The following SLC28A1 variants were observed in gnomAD, a reference collection of about 807,000 sequenced individuals.
SLC28A1 encodes the protein solute carrier family 28 member 1, also known as sodium/nucleoside cotransporter 1.
Under a neutral mutation model 74.8 loss-of-function variants are expected in SLC28A1, and 64 were observed. That is an observed-to-expected ratio of 0.86 (90% CI 0.70 to 1.05). The LOEUF is 1.05. Among genes scored for constraint, SLC28A1 ranks in the 50% least tolerant of loss-of-function variants. The probability of loss-of-function intolerance (pLI) is 0.00; values close to 1 mark genes in which losing one functional copy is unlikely to be tolerated. For synonymous variants in SLC28A1, 359 were observed against 335.0 expected, an observed-to-expected ratio of 1.07 and a Z score of -0.78; for missense variants, 828 against 822.8, an observed-to-expected ratio of 1.01 and a Z score of -0.08.
At chr15:84,918,700 T>C (rs1323586404) in intron 10 of SLC28A1, 96 bp downstream of exon 10, 10 of 923,600 alleles carry the variant, frequency 1.1e-5, no homozygotes, top group Non-Finnish European at 1.6e-5. Flanking sequence ...AGCCCAAACC[T>C]CCCCAGACAC....
rs1596304601 is a variant in SLC28A1, at chr15:84,918,702, C to T, written c.876+98C>T. ...GCCTTGCTCCCAGAGCCCAAACCTC[C>T]CCAGACACACTGCTCCCCAAGCCCA... On this transcript the variant is annotated intron_variant, in intron 10 of 18. Transcript: ENST00000394573. The T allele has an allele frequency of 5.6e-6, 5 of 889,522 alleles. No homozygotes were observed. The East Asian group carries it at 1.2e-4, about 21-fold the overall frequency. 55.1% of individuals were successfully genotyped at this position (889,522 alleles called of 1,614,324 possible). A position where few individuals can be genotyped will look rare whatever the true frequency, so the allele number is the denominator to read the frequency against.
At chr15:84,924,171 GC>G in intron 12 of SLC28A1, 61 bp downstream of exon 12, 1 of 1,555,226 alleles carries the variant, frequency 6.4e-7, no homozygotes, top group Non-Finnish European at 8.8e-7. Flanking sequence ...CTTTGTGGGA[GC>G]CCCACACAGC....
chr15:84,904,111 C>T lies in SLC28A1; in HGVS notation c.476C>T (p.Ala159Val). 6.2e-7 allele frequency: 1 copy of T among 1,614,188 alleles called. No individual in the cohort carries two copies. The highest frequency in any genetic ancestry group is 8.5e-7 in the Non-Finnish European group (1 of 1,180,038). Reference protein sequence around the residue: ...LLWFKRGLALAAFLGLVLWLS... With the variant: ...LLWFKRGLALVAFLGLVLWLS... ...CTTGCCTGCAGGGGTCTAGCTCTTG[C>T]TGCTTTCCTGGGCCTGGTCCTGTGG... Residue 159 changes from alanine to valine, a missense_variant, in exon 7 of 19, where the codon GCT becomes GTT. Physicochemically the swap from Ala to Val is moderately conservative, Grantham distance 64. This residue lies in a region of SLC28A1 where 767 missense variants were observed against 753.5 expected (regional missense o/e 1.02). Transcript: ENST00000394573.
intron 6 of SLC28A1, 46 bp from the exon 7 acceptor site, chr15:84,904,050 TG>T (rs1474130019): frequency 6.2e-7 from 1 of 1,612,752 alleles, no homozygotes; most frequent in Non-Finnish European, 8.5e-7. Context: ...GTGGGTGGGG[TG>T]GGGGTGCAAT....
intron 1 of SLC28A1, chr15:84,886,160 G>A: frequency 1.0e-6 from 1 of 985,362 alleles, no homozygotes; most frequent in Non-Finnish European, 1.2e-6. Context: ...ATGAAATGAA[G>A]GGGAAATGGT....
chr15:84,908,817 A>G (rs1205812115), intron 9 of SLC28A1, 22 bp downstream of exon 9: 1 of 1,603,966 alleles, frequency 6.2e-7, no homozygotes, highest in Non-Finnish European at 8.5e-7. Flanking sequence ...TCAGGGTCCC[A>G]GAGGCCTTTA....
intron 8 of SLC28A1, among the ~76,000 whole-genome samples, chr15:84,907,548 C>T (rs562551264): frequency 6.6e-6 from 1 of 152,088 alleles, no homozygotes; most frequent in Non-Finnish European, 1.5e-5. Flanking sequence ...TTCCATCACT[C>T]AGGCTGGAGT....
rs776363521 is a variant in SLC28A1, at chr15:84,890,475, G to A, written c.218G>A (p.Ser73Asn). The part of the protein sequence containing the change: ...RNLQPALRAR[S>N]FCREHMQLFR... ...CTGCAGCCAGCCCTGAGAGCCAGAA[G>A]CTTCTGCAGGGAGCACATGCAGCTG... The change falls in exon 5 of 19, where the codon AGC becomes AAC. Residue 73 changes from serine (S) to asparagine (N), a missense_variant. Coordinates refer to ENST00000394573, the MANE Select transcript of SLC28A1 (RefSeq NM_004213.5). 11 of 1,610,724 alleles carry A rather than the reference G, an allele frequency of 6.8e-6. No homozygotes were observed. The African/African-American group carries it at 1.3e-4, about 20-fold the overall frequency.
intron 11 of SLC28A1, among the ~76,000 whole-genome samples, chr15:84,921,571 C>T (rs1969836377): frequency 6.6e-6 from 1 of 152,206 alleles, no homozygotes; most frequent in African/African-American, 2.4e-5. Context: ...AAAGCCTGAT[C>T]CCCCTGAGGA....
chr15:84,975,035 T>C, the SLC28A1 span, among the ~76,000 whole-genome samples: 125 of 152,228 alleles, frequency 8.2e-4, no homozygotes, highest in Admixed American at 2.2e-3. Context: ...GAAACCTTGT[T>C]GGAGGCTGGA....
At chr15:84,886,234 CT>C in intron 1 of SLC28A1, 1 of 985,404 alleles carries the variant, frequency 1.0e-6, no homozygotes, top group African/African-American at 1.7e-5. Flanking sequence ...AGCTACACTG[CT>C]TTCCTCATTT....
intron 9 of SLC28A1, among the ~76,000 whole-genome samples, chr15:84,916,240 C>CAGG (rs1555449976): frequency 1.8e-4 from 18 of 98,362 alleles, no homozygotes; most frequent in South Asian, 4.3e-4. Context: ...GCTGGGATTA[C>CAGG]TTTTTTTTTT....
At chr15:84,907,034 A>G (rs1406352846) in intron 8 of SLC28A1, among the ~76,000 whole-genome samples, 1 of 152,222 alleles carries the variant, frequency 6.6e-6, no homozygotes, top group Non-Finnish European at 1.5e-5. Flanking sequence ...GCAGAAACAG[A>G]AAATAAATAG....
At chr15:84,941,813 C>CA (rs36086558) in intron 15 of SLC28A1, among the ~76,000 whole-genome samples, 136,745 of 151,846 alleles carry the variant, frequency 0.9, 61,781 homozygotes, top group African/African-American at 0.97. Flanking sequence ...CAGAAGTTTT[C>CA]AAAAAAAGGA....
At position 84,943,430 on chromosome 15, in the gene SLC28A1, C is replaced by A. The variant is rs1483858582; in HGVS notation, c.1582-15C>A. ...CTGAGGGGAGCCCCTCCTCATGCAT[C>A]TTCTGTATTTTCAGGTCAGAGCTGA... On this transcript the variant is annotated splice_polypyrimidine_tract_variant and intron_variant, in intron 15 of 18. Coordinates refer to ENST00000394573, the MANE Select transcript of SLC28A1 (RefSeq NM_004213.5). The A allele has an allele frequency of 6.2e-7, 1 of 1,608,826 alleles. No individual in the cohort carries two copies. The highest frequency in any genetic ancestry group is 8.5e-7 in the Non-Finnish European group (1 of 1,175,584).
At chr15:84,920,827 T>G (rs1237579269) in intron 10 of SLC28A1, among the ~76,000 whole-genome samples, 162 bp from the exon 11 acceptor site, 1 of 152,062 alleles carries the variant, frequency 6.6e-6, no homozygotes, top group African/African-American at 2.4e-5. Context: ...AATGAAGGTG[T>G]GGAAGAAGAA....
At chr15:84,889,739 T>A (rs1965115674) in intron 4 of SLC28A1, among the ~76,000 whole-genome samples, 1 of 142,862 alleles carries the variant, frequency 7.0e-6, no homozygotes, top group Admixed American at 7.0e-5. Context: ...CTTCCTTCCT[T>A]CCTTCCTTCC....
Position 84,886,653 on chromosome 15 carries a change from G to A in SLC28A1, c.-132-19G>A, listed in dbSNP as rs890136234. 15 of 985,356 alleles carry A rather than the reference G, an allele frequency of 1.5e-5. No homozygotes were observed. The highest frequency in any genetic ancestry group is 1.4e-4 in the African/African-American group (8 of 57,240). 61.0% of individuals were successfully genotyped at this position (985,356 alleles called of 1,614,324 possible). ...CTGGGTGGCAGGCCCAACCTACTCCGACCCTGGACTCTGCCCAGGAATTTC... is the reference window on the plus strand; with the variant it reads ...CTGGGTGGCAGGCCCAACCTACTCCAACCCTGGACTCTGCCCAGGAATTTC... On this transcript the variant is annotated intron_variant, in intron 1 of 18. Transcript: ENST00000394573.
At chr15:84,972,729 C>T in the SLC28A1 span, among the ~76,000 whole-genome samples, 29 of 152,212 alleles carry the variant, frequency 1.9e-4, no homozygotes, top group African/African-American at 5.5e-4. Flanking sequence ...CCAATTTCCA[C>T]GGAGCTACAT....
Sources: allele counts gnomAD v4.1 joint callset (sites outside exome capture counted in the v4.1 genomes callset), GRCh38; gene constraint gnomAD v4.1.1; regional missense constraint gnomAD v4.1.1; transcripts MANE v1.5; gene names NCBI Gene and HGNC (gene_info 2026-07-23, HGNC 2026-07-21).